ANKH: variants seen among roughly 807,000 people sequenced by gnomAD.
ANKH encodes ANKH inorganic pyrophosphate transport regulator.
Under a neutral mutation model 49.0 loss-of-function variants are expected in ANKH, and 15 were observed. The observed-to-expected ratio is 0.31, with a 90% CI of 0.20 to 0.47. ANKH has a LOEUF of 0.47. ANKH is among the 20% of genes least tolerant of loss of function. The probability of loss-of-function intolerance (pLI) is 1.00; values close to 1 mark genes in which losing one functional copy is unlikely to be tolerated. For missense variants in ANKH, 429 were observed against 652.0 expected, an observed-to-expected ratio of 0.66 and a Z score of 3.72; for synonymous variants, 273 against 260.0, an observed-to-expected ratio of 1.05 and a Z score of -0.48.
intron 8 of ANKH, among the ~76,000 whole-genome samples, chr5:14,724,242 A>G (rs57067314): frequency 0.026 from 3,915 of 152,222 alleles, 155 homozygotes; most frequent in African/African-American, 0.089. Context: ...ACTTGAACCC[A>G]GGAGGCAGAG....
chr5:14,798,028 C>A (rs1740446800), intron 1 of ANKH: 1 of 1,579,906 alleles, frequency 6.3e-7, no homozygotes, highest in Non-Finnish European at 8.7e-7. Flanking sequence ...TTTACTTTTC[C>A]TTCATGGTTG....
In ANKH at chr5:14,710,819, G is replaced by A. The variant is rs915300513; in HGVS notation, c.*378C>T. 2.9e-5 allele frequency: 9 copies of A among 306,480 alleles called. No homozygotes were observed. Among genetic ancestry groups the A allele is most frequent in the Admixed American group, 8.8e-5 (2 of 22,732 alleles). 19.0% of individuals were successfully genotyped at this position (306,480 alleles called of 1,614,324 possible). ...ATGAAGGGGGACAGGAGAGTCTGTG[G>A]CCTGCTGTGCAGGGTGACCGAGGCG... On this transcript the variant is annotated 3_prime_UTR_variant, in exon 12 of 12. Transcript: ENST00000284268.
At position 14,737,630 on chromosome 5, in the gene ANKH, A is replaced by C. The variant is rs941980306; in HGVS notation, c.1011+4197T>G. 1.3e-5 allele frequency among the ~76,000 whole-genome samples: 2 copies of C among 152,242 alleles called. No homozygotes were observed. Among genetic ancestry groups the C allele is most frequent in the Non-Finnish European group, 2.9e-5 (2 of 68,032 alleles). The stretch of plus-strand genomic sequence containing the variant: ...ACCTTGCATGGCGAGGCTGCGACGC[A>C]GTCTCCTTTGCGTGGCTGCAACCCT... On this transcript the variant is annotated intron_variant, in intron 8 of 11. Coordinates refer to ENST00000284268, the MANE Select transcript of ANKH (RefSeq NM_054027.6). This position sits in a 1 kb window ranked among gnomAD's most constrained non-coding sequence, Gnocchi z 5.0.
chr5:14,745,983 A>C lies in ANKH; in HGVS notation c.823-21T>G, dbSNP rs749266595. Reference sequence around the variant, plus strand: ...ACTGCCTGCAACAGGAAGAGGTGGCAGAGTTAGCAGGGTACCAGCAGGAAG... The same window carrying C: ...ACTGCCTGCAACAGGAAGAGGTGGCCGAGTTAGCAGGGTACCAGCAGGAAG... On this transcript the variant is annotated intron_variant, in intron 6 of 11. Transcript: ENST00000284268. This position sits in a 1 kb window ranked among gnomAD's most constrained non-coding sequence, Gnocchi z 4.7. 11 of 1,603,594 alleles carry C rather than the reference A, an allele frequency of 6.9e-6. No individual in the cohort carries two copies. The South Asian group carries it at 1.2e-4, about 18-fold the overall frequency.
intron 1 of ANKH, among the ~76,000 whole-genome samples, chr5:14,803,176 GAA>G (rs1400540273): frequency 6.6e-6 from 1 of 152,214 alleles, no homozygotes; most frequent in Non-Finnish European, 1.5e-5. Context: ...TCAGGTGGTG[GAA>G]AAGTTTGAAA....
chr5:14,752,285 G>A (rs1738746877), intron 4 of ANKH, among the ~76,000 whole-genome samples: 1 of 152,106 alleles, frequency 6.6e-6, no homozygotes, highest in African/African-American at 2.4e-5. Flanking sequence ...ACTCCAGCCT[G>A]GGTGACAGTG....
intron 1 of ANKH, among the ~76,000 whole-genome samples, chr5:14,859,064 G>A (rs1735397077): frequency 6.6e-6 from 1 of 151,842 alleles, no homozygotes; most frequent in African/African-American, 2.4e-5. Context: ...TAATTTTTAA[G>A]TGTACAATTC....
intron 8 of ANKH, among the ~76,000 whole-genome samples, chr5:14,731,366 C>G (rs888859755): frequency 4.1e-4 from 62 of 152,204 alleles, no homozygotes; most frequent in African/African-American, 1.5e-3. Context: ...GGTGAAAGCC[C>G]AAGTGCTCAG....
intron 3 of ANKH, among the ~76,000 whole-genome samples, chr5:14,757,866 T>C (rs1738952880): frequency 6.6e-6 from 1 of 152,234 alleles, no homozygotes. Flanking sequence ...AAGATCAGTC[T>C]GCTAATTCCT....
intron 8 of ANKH, chr5:14,741,595 G>C: frequency 1.9e-6 from 1 of 522,302 alleles, no homozygotes; most frequent in South Asian, 2.1e-5. Context: ...CCTTTCTGCA[G>C]CATTTGAGAA....
chr5:14,847,247 G>C (rs1741990738), intron 1 of ANKH, among the ~76,000 whole-genome samples: 1 of 152,128 alleles, frequency 6.6e-6, no homozygotes, highest in Non-Finnish European at 1.5e-5. Flanking sequence ...CAAAGTGAAT[G>C]CTTATGTAGC....
chr5:14,794,788 T>C (rs1318340472), intron 1 of ANKH, among the ~76,000 whole-genome samples: 2 of 152,244 alleles, frequency 1.3e-5, no homozygotes, highest in East Asian at 1.9e-4. Flanking sequence ...AACTGACTAG[T>C]TGTTTTGCTT....
chr5:14,786,471 A>G (rs2126537276), intron 1 of ANKH, among the ~76,000 whole-genome samples: 1 of 152,310 alleles, frequency 6.6e-6, no homozygotes, highest in Middle Eastern at 3.4e-3. Context: ...AGGAGAAAAA[A>G]CAAGAGAAAT....
intron 1 of ANKH, among the ~76,000 whole-genome samples, chr5:14,777,263 G>A (rs1473241308): frequency 6.6e-6 from 1 of 152,128 alleles, no homozygotes; most frequent in Admixed American, 6.6e-5. Context: ...TCCAGTCTGG[G>A]CGACAAGAGC....
At chr5:14,805,060 G>A (rs913949370) in intron 1 of ANKH, among the ~76,000 whole-genome samples, 4 of 152,184 alleles carry the variant, frequency 2.6e-5, no homozygotes, top group Admixed American at 6.5e-5. Context: ...ATGTGTCTGC[G>A]AGGGTGTTGC....
At chr5:14,764,946 A>G (rs1240219975) in intron 2 of ANKH, among the ~76,000 whole-genome samples, 1 of 152,234 alleles carries the variant, frequency 6.6e-6, no homozygotes, top group African/African-American at 2.4e-5. Flanking sequence ...TAAAATCCAC[A>G]GCAGCGGTTT....
At chr5:14,840,674 C>G (rs74343209) in intron 1 of ANKH, among the ~76,000 whole-genome samples, 3 of 152,124 alleles carry the variant, frequency 2.0e-5, no homozygotes, top group African/African-American at 7.2e-5. Flanking sequence ...TCTGATTTAG[C>G]GAGTATTATT....
chr5:14,830,842 A>G (rs1010771213), intron 1 of ANKH, among the ~76,000 whole-genome samples: 1 of 152,124 alleles, frequency 6.6e-6, no homozygotes, highest in African/African-American at 2.4e-5. Flanking sequence ...TGGCATCCAA[A>G]GGGCACCAAC....
intron 1 of ANKH, among the ~76,000 whole-genome samples, chr5:14,845,906 A>G (rs1162915118): frequency 8.1e-6 from 1 of 123,974 alleles, no homozygotes; most frequent in African/African-American, 3.2e-5. Flanking sequence ...CAGGCTGGAG[A>G]GTACAATGGC....
Sources: gnomAD v4.1 joint callset for allele counts (sites outside exome capture counted in the v4.1 genomes callset) on GRCh38, gnomAD v4.1.1 for gene constraint, Gnocchi (gnomAD v3.1) non-coding constraint, MANE v1.5 for transcripts, NCBI Gene and HGNC (gene_info 2026-07-23, HGNC 2026-07-21) for gene names.